The following ASIC2 variants were observed in gnomAD, a reference collection of about 807,000 sequenced individuals.
ASIC2 encodes the protein acid sensing ion channel subunit 2, also known as acid-sensing ion channel 2.
In ASIC2, 25 loss-of-function variants were observed where a neutral mutation model predicts 57.3. That is an observed-to-expected ratio of 0.44 (90% CI 0.32 to 0.61). The LOEUF is 0.61. Among genes scored for constraint, ASIC2 ranks in the 20% least tolerant of loss-of-function variants. The pLI is 0.06. For missense variants in ASIC2, 641 were observed against 738.1 expected (o/e 0.87, Z 1.52); for synonymous variants, 319 against 307.5 (o/e 1.04, Z -0.39).
At chr17:33,486,464 C>T (rs113115330) in intron 1 of ASIC2, among the ~76,000 whole-genome samples, 61 of 152,280 alleles carry the variant, frequency 4.0e-4, no homozygotes, top group Admixed American at 9.2e-4. Context: ...ACCTGGCATA[C>T]GGTTTGAGCT....
intron 1 of ASIC2, among the ~76,000 whole-genome samples, chr17:33,890,418 T>C (rs546089712): frequency 6.6e-6 from 1 of 152,344 alleles, no homozygotes; most frequent in East Asian, 1.9e-4. Context: ...TACCCAATAA[T>C]AGTGGAAACC....
intron 1 of ASIC2, among the ~76,000 whole-genome samples, chr17:34,083,942 G>A (rs1343306261): frequency 1.3e-5 from 2 of 152,132 alleles, no homozygotes; most frequent in African/African-American, 4.8e-5. Flanking sequence ...AGATGAGTAG[G>A]TTGTGAAAAT....
At chr17:33,735,962 C>T (rs945775658) in intron 1 of ASIC2, among the ~76,000 whole-genome samples, 14 of 152,014 alleles carry the variant, frequency 9.2e-5, no homozygotes, top group Admixed American at 2.6e-4. Context: ...AATAAATGAA[C>T]GGCTTCAAGA....
chr17:34,150,792 T>A (rs1904484545), intron 1 of ASIC2, among the ~76,000 whole-genome samples: 1 of 151,948 alleles, frequency 6.6e-6, no homozygotes, highest in Non-Finnish European at 1.5e-5. Context: ...TGACTAGGAT[T>A]TAGATAAATA....
At chr17:34,001,094 G>A (rs2142015337) in intron 1 of ASIC2, 1 of 152,184 alleles carries the variant, frequency 6.6e-6, no homozygotes, top group East Asian at 1.9e-4. Context: ...TTTAGTGTTG[G>A]TTACTGGTGC....
At chr17:33,975,375 T>A (rs1905350363) in intron 1 of ASIC2, among the ~76,000 whole-genome samples, 1 of 152,028 alleles carries the variant, frequency 6.6e-6, no homozygotes, top group South Asian at 2.1e-4. Context: ...TCTATCTTCC[T>A]CTCTCCCCCT....
chr17:33,665,755 A>G (rs1378873821), intron 1 of ASIC2, among the ~76,000 whole-genome samples: 1 of 152,134 alleles, frequency 6.6e-6, no homozygotes, highest in Non-Finnish European at 1.5e-5. Context: ...TAATTGCTCA[A>G]TGAAGGGAGG....
rs761725027 is a variant in ASIC2 at position 33,313,327 on chromosome 17, GA to G, written c.556-201261del. On this transcript the variant is annotated intron_variant, in intron 1 of 9. Transcript: ENST00000359872. ...TGGGAAACAGAGCGAAACCCTGTTT[GA>G]AAAAAAAAAAAGAAAGAAGGAGAAG... Among the ~76,000 whole-genome samples the G allele has an allele frequency of 2.3e-3, 313 of 138,742 alleles. 1 individual carries two copies. The highest frequency in any genetic ancestry group is 7.6e-3 in the Middle Eastern group (2 of 264). The allele number at this position is 138,742 out of a possible 152,430, so 91.0% of individuals were successfully genotyped here.
intron 1 of ASIC2, among the ~76,000 whole-genome samples, chr17:33,777,576 T>C (rs1226698327): frequency 6.6e-6 from 1 of 151,666 alleles, no homozygotes; most frequent in Non-Finnish European, 1.5e-5. Context: ...CAAGCAAAAG[T>C]CATGTGGGAA....
intron 1 of ASIC2, among the ~76,000 whole-genome samples, chr17:33,285,469 G>A (rs1905114251): frequency 6.6e-6 from 1 of 152,212 alleles, no homozygotes; most frequent in Non-Finnish European, 1.5e-5. Flanking sequence ...CACTATTTGA[G>A]CTCTCCATTC....
At position 33,352,136 on chromosome 17, in the gene ASIC2, G is replaced by A. The variant is rs370989243; in HGVS notation, c.556-240069C>T. On this transcript the variant is annotated intron_variant, in intron 1 of 9. Coordinates refer to the ASIC2 transcript ENST00000359872. ...CTACAAATGCCACCCCTCTGAGCAT[G>A]GTTCCTCAGTCTCTATCTGTAGCTA... 2.6e-5 allele frequency among the ~76,000 whole-genome samples: 4 copies of A among 152,182 alleles called. 1 individual carries two copies. The highest frequency in any genetic ancestry group is 9.6e-5 in the African/African-American group (4 of 41,514).
intron 1 of ASIC2, among the ~76,000 whole-genome samples, chr17:33,410,960 A>G (rs1910638228): frequency 1.3e-5 from 2 of 152,250 alleles, no homozygotes; most frequent in African/African-American, 2.4e-5. Flanking sequence ...CATATTTGTC[A>G]GATGAATGGA....
chr17:33,665,897 C>T (rs1234819873), intron 1 of ASIC2, among the ~76,000 whole-genome samples: 1 of 152,150 alleles, frequency 6.6e-6, no homozygotes, highest in East Asian at 1.9e-4. Context: ...TCAGCAAAAC[C>T]TTCCCTAAGT....
intron 1 of ASIC2, among the ~76,000 whole-genome samples, chr17:34,067,350 C>A (rs1909209872): frequency 6.6e-6 from 1 of 152,218 alleles, no homozygotes; most frequent in Non-Finnish European, 1.5e-5. Flanking sequence ...AGATTCACAT[C>A]CTTGCTGAAA....
chr17:33,474,031 T>C (rs1913138047), intron 1 of ASIC2, among the ~76,000 whole-genome samples: 1 of 152,174 alleles, frequency 6.6e-6, no homozygotes, highest in Non-Finnish European at 1.5e-5. Flanking sequence ...GTTCAGAGGT[T>C]AATGGAGGAC....
chr17:33,960,923 A>G (rs1026749725), intron 1 of ASIC2, among the ~76,000 whole-genome samples: 2 of 152,170 alleles, frequency 1.3e-5, no homozygotes, highest in Admixed American at 1.3e-4. Context: ...TCACTAGGAC[A>G]TGAATAGAGA....
intron 1 of ASIC2, among the ~76,000 whole-genome samples, chr17:34,093,186 C>A (rs1386698076): frequency 6.6e-6 from 1 of 152,176 alleles, no homozygotes; most frequent in African/African-American, 2.4e-5. Flanking sequence ...TGAGTCCACA[C>A]ACATATGAGG....
chr17:33,523,098 C>T (rs1914790424), intron 1 of ASIC2, among the ~76,000 whole-genome samples: 1 of 152,220 alleles, frequency 6.6e-6, no homozygotes, highest in African/African-American at 2.4e-5. Context: ...AAGGAAAAGA[C>T]CCTTCTCTTT....
chr17:33,383,859 T>C (rs941670286), intron 1 of ASIC2, among the ~76,000 whole-genome samples: 3 of 152,330 alleles, frequency 2.0e-5, no homozygotes, highest in African/African-American at 7.2e-5. Context: ...GGATTAATAC[T>C]GGGTCCAGAA....
Sources: gnomAD v4.1 joint callset for allele counts (sites outside exome capture counted in the v4.1 genomes callset) on GRCh38, gnomAD v4.1.1 for gene constraint, MANE v1.5 for transcripts, NCBI Gene and HGNC (gene_info 2026-07-23, HGNC 2026-07-21) for gene names.